The following RPE65 variants were observed in gnomAD, a reference collection of about 807,000 sequenced individuals.
RPE65 encodes the protein retinoid isomerohydrolase RPE65.
A neutral mutation model predicts 68.5 loss-of-function variants in RPE65; 58 were observed. That is an observed-to-expected ratio of 0.85 (90% CI 0.69 to 1.05). The LOEUF is 1.05. Ranked by LOEUF, RPE65 falls within the 50% of genes least tolerant of loss-of-function variation. The pLI, the probability that RPE65 is intolerant of heterozygous loss-of-function variation, is 0.00. For missense variants in RPE65, 643 were observed against 629.9 expected, an observed-to-expected ratio of 1.02 and a Z score of -0.22; for synonymous variants, 220 against 222.2, an observed-to-expected ratio of 0.99 and a Z score of 0.09.
rs182670797 is a variant in RPE65 at position 68,448,756 on chromosome 1, C to G, written c.12-50G>C. 2.0e-6 allele frequency: 3 copies of G among 1,517,868 alleles called. No individual in the cohort carries two copies. In the South Asian group the frequency reaches 3.4e-5, roughly 17 times the overall value. 94.0% of individuals were successfully genotyped at this position (1,517,868 alleles called of 1,614,324 possible). A position where few individuals can be genotyped will look rare whatever the true frequency, so the allele number is the denominator to read the frequency against. ...GAAGCCCATGTTGATGCTCAAAGTC[C>G]GCAGAGATAGAGGCAGAGCTGCAGG... On this transcript the variant is annotated intron_variant, in intron 1 of 13. Coordinates refer to ENST00000262340, the MANE Select transcript of RPE65 (RefSeq NM_000329.3).
At chr1:68,434,704 GTTAAA>G (rs1645848485) in intron 10 of RPE65, among the ~76,000 whole-genome samples, 1 of 151,280 alleles carries the variant, frequency 6.6e-6, no homozygotes, top group African/African-American at 2.5e-5. Flanking sequence ...TATTTTCATT[GTTAAA>G]TTAGATTTCC....
chr1:68,444,296 A>G (rs962029609), intron 5 of RPE65, among the ~76,000 whole-genome samples: 8 of 152,200 alleles, frequency 5.3e-5, no homozygotes, highest in African/African-American at 1.4e-4. Context: ...ATTGTTGACA[A>G]TGCTAGGATT....
Position 68,438,233 on chromosome 1 carries a change from G to T in RPE65, c.1082C>A (p.Pro361His), listed in dbSNP as rs1331683200. The T allele has an allele frequency of 6.2e-7, 1 of 1,613,732 alleles. No homozygotes were observed. Among genetic ancestry groups the T allele is most frequent in the Non-Finnish European group, 8.5e-7 (1 of 1,179,936 alleles). The change falls in exon 10 of 14, where the codon CCC (proline) becomes CAC (histidine). Residue 361 changes from proline to histidine, a missense_variant. Pro to His is a moderately conservative substitution (Grantham distance 77). Transcript: ENST00000262340. The part of the protein sequence containing the change: ...EEVKKNARKA[P>H]QPEVRRYVLP... ...TACATATCTCCTAACTTCAGGTTGGGGAGCCTTTCTGGCATTTTTTTTCAC... is the reference window on the plus strand; with the variant it reads ...TACATATCTCCTAACTTCAGGTTGGTGAGCCTTTCTGGCATTTTTTTTCAC...
In RPE65 at chr1:68,446,731, CCTT is replaced by C; in HGVS notation, c.221_223del (p.Glu74del). Reference sequence around the variant, plus strand: ...TTACCTTCTGTGGTATGTGACATGTCCTTCTTTAAAGTCAAACTTGTGCAGGAG... The same window carrying C: ...TTACCTTCTGTGGTATGTGACATGTCCTTTAAAGTCAAACTTGTGCAGGAG... On this transcript the variant is annotated inframe_deletion, in exon 3 of 14. Transcript: ENST00000262340. 1 of 1,614,160 alleles carries C rather than the reference CCTT, an allele frequency of 6.2e-7. No homozygotes were observed. Among genetic ancestry groups the C allele is most frequent in the Non-Finnish European group, 8.5e-7 (1 of 1,180,044 alleles).
intron 10 of RPE65, among the ~76,000 whole-genome samples, chr1:68,433,354 G>A (rs1272193180): frequency 2.0e-5 from 3 of 152,182 alleles, no homozygotes; most frequent in South Asian, 4.2e-4. Flanking sequence ...GTAGGAGAGT[G>A]GTGATCTAGG....
chr1:68,431,395 G>A lies in RPE65; in HGVS notation c.1244-19C>T, dbSNP rs548434230. On this transcript the variant is annotated intron_variant, in intron 11 of 13. Transcript: ENST00000262340. The stretch of plus-strand genomic sequence containing the variant: ...TCAAATGCTACGAAATAGAGCACAT[G>A]CTTAGGAAAACTCTTAATCTCTTTG... 8.1e-6 allele frequency: 13 copies of A among 1,612,786 alleles called. No homozygotes were observed. Among genetic ancestry groups the A allele is most frequent in the South Asian group, 1.1e-5 (1 of 91,030 alleles).
chr1:68,447,767 A>G (rs1292031646), intron 2 of RPE65, among the ~76,000 whole-genome samples: 3 of 152,250 alleles, frequency 2.0e-5, no homozygotes, highest in South Asian at 4.1e-4. Flanking sequence ...GGAGAATGGC[A>G]TAAACCCATG....
intron 2 of RPE65, 147 bp downstream of exon 2, chr1:68,448,476 TG>T: frequency 1.4e-6 from 1 of 701,160 alleles, no homozygotes. Flanking sequence ...TGAAAGAAAA[TG>T]GGTTCTTGCT....
chr1:68,446,604 G>A (rs557287454), intron 3 of RPE65, 106 bp downstream of exon 3: 135 of 1,280,008 alleles, frequency 1.1e-4, no homozygotes, highest in Middle Eastern at 2.2e-4. Context: ...GAAGAAAGTG[G>A]GTATATAGGT....
intron 5 of RPE65, among the ~76,000 whole-genome samples, chr1:68,443,469 C>T (rs550075726): frequency 2.6e-5 from 4 of 152,268 alleles, no homozygotes; most frequent in South Asian, 2.1e-4. Flanking sequence ...AGATTATTCT[C>T]CAGTTTTCAT....
intron 10 of RPE65, among the ~76,000 whole-genome samples, chr1:68,434,632 C>T (rs1645848040): frequency 6.6e-6 from 1 of 151,584 alleles, no homozygotes; most frequent in African/African-American, 2.4e-5. Context: ...ATGTCTATGT[C>T]TATGTTTAAT....
chr1:68,440,304 A>G (rs1645893148), intron 6 of RPE65, among the ~76,000 whole-genome samples: 1 of 152,208 alleles, frequency 6.6e-6, no homozygotes, highest in South Asian at 2.1e-4. Flanking sequence ...TAATTCCATC[A>G]TCAAGGTGGT....
chr1:68,440,254 G>A (rs533217783), intron 6 of RPE65, among the ~76,000 whole-genome samples: 26 of 152,146 alleles, frequency 1.7e-4, no homozygotes, highest in Non-Finnish European at 3.4e-4. Flanking sequence ...TTTGAGAACT[G>A]TACTAAATAA....
chr1:68,444,090 C>A lies in RPE65; in HGVS notation c.495+441G>T, dbSNP rs543680417. ...TATAAAAGCTATGAAAGGCAGGGAC[C>A]ATGTTACCCTACTCATTGATCTATC... On this transcript the variant is annotated intron_variant, in intron 5 of 13. Transcript: ENST00000262340. Among the ~76,000 whole-genome samples, 4 of 152,272 alleles carry A rather than the reference C, an allele frequency of 2.6e-5. No homozygotes were observed. The South Asian group carries it at 8.3e-4, about 32-fold the overall frequency.
At chr1:68,437,493 C>T (rs1645869923) in intron 10 of RPE65, among the ~76,000 whole-genome samples, 1 of 152,182 alleles carries the variant, frequency 6.6e-6, no homozygotes, top group Non-Finnish European at 1.5e-5. Context: ...CAAAGTTTTA[C>T]ATTCCATGTA....
intron 10 of RPE65, among the ~76,000 whole-genome samples, chr1:68,435,977 G>A (rs1422888233): frequency 1.3e-5 from 2 of 152,132 alleles, no homozygotes; most frequent in African/African-American, 2.4e-5. Context: ...AAGAGGAGAC[G>A]GATTTGATGA....
In RPE65 at chr1:68,444,875, C is replaced by T. The variant is rs61752870; in HGVS notation, c.254G>A (p.Arg85His). 115 of 1,613,918 alleles carry T rather than the reference C, an allele frequency of 7.1e-5. No individual in the cohort carries two copies. Among genetic ancestry groups the T allele is most frequent in the Middle Eastern group, 1.6e-4 (1 of 6,062 alleles). The change falls in exon 4 of 14, where the codon CGC (arginine) becomes CAC (histidine). Residue 85 changes from arginine (R) to histidine (H), a missense_variant. By Grantham distance (29) the Arg-to-His change is conservative. Transcript: ENST00000262340. ...GHVTYHRRFI[R>H]TDAYVRAMTE... ...CATTGCCCGTACGTAAGCATCAGTG[C>T]GGATGAACCTGAAGGACATTGAAAC... is the stretch of plus-strand genomic sequence containing the variant.
intron 9 of RPE65, 90 bp from the exon 10 acceptor site, chr1:68,438,406 C>T: frequency 1.4e-6 from 2 of 1,469,442 alleles, no homozygotes; most frequent in Non-Finnish European, 1.9e-6. Flanking sequence ...AAGTGCCTGC[C>T]TGTTCTTTAT....
In RPE65 at chr1:68,444,809, G is replaced by T; in HGVS notation, c.320C>A (p.Ala107Asp). Residue 107 changes from alanine (A) to aspartate (D), a missense_variant, in exon 4 of 14, where the codon GCT (alanine) becomes GAT (aspartate). Coordinates refer to ENST00000262340, the MANE Select transcript of RPE65 (RefSeq NM_000329.3). ...TATATTCTTGCAGGGATCTGGGAAA[G>T]CACAGGTGCCAAATTCTGTTATGAC... ...RIVITEFGTCAFPDPCKNIFS... is the reference protein window; with the variant it reads ...RIVITEFGTCDFPDPCKNIFS... 6.2e-7 allele frequency: 1 copy of T among 1,614,152 alleles called. No homozygotes were observed. Among genetic ancestry groups the T allele is most frequent in the Non-Finnish European group, 8.5e-7 (1 of 1,180,024 alleles).
Sources: allele counts gnomAD v4.1 joint callset (sites outside exome capture counted in the v4.1 genomes callset), GRCh38; gene constraint gnomAD v4.1.1; transcripts MANE v1.5; gene names NCBI Gene and HGNC (gene_info 2026-07-23, HGNC 2026-07-21).